The following GALNT2 variants were observed in gnomAD, a reference collection of about 807,000 sequenced individuals.
GALNT2 encodes UDP-GalNAc:polypeptide N-acetylgalactosaminyltransferase 2.
A neutral mutation model predicts 81.4 loss-of-function variants in GALNT2; 31 were observed. The ratio of observed to expected loss-of-function variants is 0.38; its 90% CI spans 0.29 to 0.51. The LOEUF (loss-of-function observed/expected upper bound fraction) is 0.51. GALNT2 is among the 20% of genes least tolerant of loss of function. The pLI is 0.87. For missense variants in GALNT2, 629 were observed against 765.7 expected, an observed-to-expected ratio of 0.82 and a Z score of 2.11; for synonymous variants, 303 against 287.4, an observed-to-expected ratio of 1.05 and a Z score of -0.55.
intron 1 of GALNT2, among the ~76,000 whole-genome samples, chr1:230,071,450 G>C (rs960205206): frequency 6.6e-6 from 1 of 152,214 alleles, no homozygotes; most frequent in African/African-American, 2.4e-5. Flanking sequence ...ACAGTGGACA[G>C]ACGTGTCCCT....
chr1:230,190,411 C>T (rs1486488203), intron 2 of GALNT2, among the ~76,000 whole-genome samples: 3 of 152,192 alleles, frequency 2.0e-5, no homozygotes, highest in Non-Finnish European at 2.9e-5. Context: ...AGAGTTGGCT[C>T]CTGGGACCAA....
intron 1 of GALNT2, among the ~76,000 whole-genome samples, chr1:230,071,780 C>T (rs529159237): frequency 3.9e-5 from 6 of 152,120 alleles, no homozygotes; most frequent in Non-Finnish European, 8.8e-5. Context: ...GCCAGATAAT[C>T]CGACAGTGGC....
At position 230,058,220 on chromosome 1, in the gene GALNT2, G is replaced by A. The variant is rs181615271; in HGVS notation, n.89+142G>A. ...GCCCAACTCTCAGGCTCACTCAGGG[G>A]CAGCCTGGGCTGGTGAAGCATCAGC... On this transcript the variant is annotated intron_variant and non_coding_transcript_variant, in intron 1 of 6. Coordinates refer to the GALNT2 transcript ENST00000494106. 102 of 427,116 alleles carry A rather than the reference G, an allele frequency of 2.4e-4. 1 individual carries two copies. Among genetic ancestry groups the A allele is most frequent in the Middle Eastern group, 2.1e-3 (3 of 1,424 alleles). 26.5% of individuals were successfully genotyped at this position (427,116 alleles called of 1,614,324 possible). A position where few individuals can be genotyped will look rare whatever the true frequency, so the allele number is the denominator to read the frequency against.
At chr1:230,217,095 A>C (rs1011552864) in intron 3 of GALNT2, among the ~76,000 whole-genome samples, 2 of 152,152 alleles carry the variant, frequency 1.3e-5, no homozygotes, top group East Asian at 1.9e-4. Flanking sequence ...TTAAAAAAAA[A>C]CTCTGCCGTC....
chr1:230,246,042 ACTC>A lies in GALNT2; in HGVS notation c.730-17_730-15del. 3.1e-6 allele frequency: 5 copies of A among 1,592,490 alleles called. No homozygotes were observed. The highest frequency in any genetic ancestry group is 4.3e-6 in the Non-Finnish European group (5 of 1,161,036). On this transcript the variant is annotated intron_variant, in intron 7 of 15. Transcript: ENST00000366672. ...TTGTTTTGCTGGGATTTTGATAACT[ACTC>A]CTCTCTTTGTATTTTAGGACAGGAC...
At chr1:230,109,233 G>T (rs937760771) in intron 1 of GALNT2, among the ~76,000 whole-genome samples, 1 of 152,232 alleles carries the variant, frequency 6.6e-6, no homozygotes, top group African/African-American at 2.4e-5. Flanking sequence ...GCCCAGTGTG[G>T]TCCTTGCCTT....
In GALNT2 at chr1:230,256,073, A is replaced by G. The variant is rs542072597; in HGVS notation, c.1136+729A>G. ...AAGAGGGGGCCAAATTCTCCCTTTT[A>G]TAATAGCATCAATCCCCCCCATGAG... On this transcript the variant is annotated intron_variant, in intron 11 of 15. Transcript: ENST00000366672. 5.9e-5 allele frequency among the ~76,000 whole-genome samples: 9 copies of G among 152,172 alleles called. No individual in the cohort carries two copies. In the South Asian group the frequency reaches 1.4e-3, roughly 24 times the overall value.
At position 230,279,883 on chromosome 1, in the gene GALNT2, A is replaced by T. The variant is rs918914935; in HGVS notation, c.*425A>T. ...AGAACTCTTGAAATCTCCATTTTCA[A>T]TCCCTTCGAAATCACGTATGGTTTC... is the stretch of plus-strand genomic sequence containing the variant. On this transcript the variant is annotated 3_prime_UTR_variant, in exon 16 of 16. Coordinates refer to ENST00000366672, the MANE Select transcript of GALNT2 (RefSeq NM_004481.5). This position sits in a 1 kb window ranked among gnomAD's most constrained non-coding sequence, Gnocchi z 4.6. The T allele has an allele frequency of 8.7e-6, 4 of 459,684 alleles. No homozygotes were observed. The highest frequency in any genetic ancestry group is 1.5e-5 in the South Asian group (1 of 64,586). 28.5% of individuals were successfully genotyped at this position (459,684 alleles called of 1,614,324 possible).
At chr1:230,250,780 CGGA>C (rs1665523534) in intron 10 of GALNT2, among the ~76,000 whole-genome samples, 1 of 152,130 alleles carries the variant, frequency 6.6e-6, no homozygotes, top group South Asian at 2.1e-4. Flanking sequence ...TGCCAGAATA[CGGA>C]TAAAGTCTTT....
rs555675803 is a variant in GALNT2 at position 230,257,516 on chromosome 1, G to A, written c.1136+2172G>A. 7.2e-5 allele frequency among the ~76,000 whole-genome samples: 11 copies of A among 152,344 alleles called. No homozygotes were observed. The highest frequency in any genetic ancestry group is 2.6e-4 in the African/African-American group (11 of 41,582). Reference sequence around the variant, plus strand: ...CCTCCAGTGTTCAGGACAGTCATGTGCTCTACACGTTTGTAGCCTAGAAGC... The same window carrying A: ...CCTCCAGTGTTCAGGACAGTCATGTACTCTACACGTTTGTAGCCTAGAAGC... On this transcript the variant is annotated intron_variant, in intron 11 of 15. Coordinates refer to ENST00000366672, the MANE Select transcript of GALNT2 (RefSeq NM_004481.5). This position sits in a 1 kb window ranked among gnomAD's most constrained non-coding sequence, Gnocchi z 4.6.
intron 3 of GALNT2, among the ~76,000 whole-genome samples, chr1:230,204,233 G>A (rs1281224761): frequency 4.6e-5 from 7 of 151,258 alleles, no homozygotes; most frequent in African/African-American, 1.7e-4. Flanking sequence ...TGTGATCTTG[G>A]CTCACTGCAA....
intron 3 of GALNT2, among the ~76,000 whole-genome samples, chr1:230,206,440 G>A (rs1257755998): frequency 6.6e-6 from 1 of 152,156 alleles, no homozygotes; most frequent in East Asian, 1.9e-4. Flanking sequence ...TTCCACATTT[G>A]TTGGATTTGG....
intron 1 of GALNT2, among the ~76,000 whole-genome samples, chr1:230,061,410 A>G (rs1302282326): frequency 1.3e-5 from 2 of 152,306 alleles, no homozygotes; most frequent in East Asian, 3.9e-4. Context: ...TACAATTGCT[A>G]TACCCATAAC....
At chr1:230,107,642 GTGGT>G (rs1553256997) in intron 1 of GALNT2, among the ~76,000 whole-genome samples, 6 of 151,562 alleles carry the variant, frequency 4.0e-5, no homozygotes, top group African/African-American at 7.3e-5. Context: ...GTGTGTGTGT[GTGGT>G]TGGTTGGTTG....
intron 2 of GALNT2, among the ~76,000 whole-genome samples, chr1:230,194,190 G>T (rs1423192174): frequency 6.6e-6 from 1 of 152,218 alleles, no homozygotes; most frequent in South Asian, 2.1e-4. Flanking sequence ...AAGAGTATCA[G>T]TGGGGAGGCA....
At chr1:230,196,962 CCTAA>C (rs755665958) in intron 2 of GALNT2, among the ~76,000 whole-genome samples, 2 of 152,048 alleles carry the variant, frequency 1.3e-5, no homozygotes, top group African/African-American at 2.4e-5. Flanking sequence ...AACCTAGGGA[CCTAA>C]CTGATCATGA....
At chr1:230,181,798 A>C (rs1663168849) in intron 2 of GALNT2, among the ~76,000 whole-genome samples, 2 of 152,172 alleles carry the variant, frequency 1.3e-5, no homozygotes. Flanking sequence ...TCTGGAAGAG[A>C]TTGTAGAGAA....
intron 14 of GALNT2, among the ~76,000 whole-genome samples, chr1:230,269,254 C>T (rs1666111278): frequency 7.0e-6 from 1 of 143,202 alleles, no homozygotes; most frequent in Admixed American, 7.5e-5. Flanking sequence ...GGTGCAATCT[C>T]GGCTCACTGC....
chr1:230,224,374 T>C (rs1324288322), intron 3 of GALNT2, among the ~76,000 whole-genome samples: 1 of 152,184 alleles, frequency 6.6e-6, no homozygotes, highest in East Asian at 1.9e-4. Context: ...CCTTAAATGG[T>C]GAGTGGGACC....
Sources: gnomAD v4.1 joint callset for allele counts (sites outside exome capture counted in the v4.1 genomes callset) on GRCh38, gnomAD v4.1.1 for gene constraint, Gnocchi (gnomAD v3.1) non-coding constraint, MANE v1.5 for transcripts, NCBI Gene and HGNC (gene_info 2026-07-23, HGNC 2026-07-21) for gene names.